The following CNTNAP2 variants were observed in gnomAD, a reference collection of about 807,000 sequenced individuals.
The protein encoded by CNTNAP2 is contactin-associated protein-like 2.
Under a neutral mutation model 155.2 loss-of-function variants are expected in CNTNAP2, and 98 were observed. The ratio of observed to expected loss-of-function variants is 0.63; its 90% CI spans 0.54 to 0.75. The LOEUF (loss-of-function observed/expected upper bound fraction) is 0.75. Ranked by LOEUF, CNTNAP2 falls within the 30% of genes least tolerant of loss-of-function variation. CNTNAP2 has a pLI of 0.00. For missense variants in CNTNAP2, 1,727 were observed against 1,688.1 expected, an observed-to-expected ratio of 1.02 and a Z score of -0.40; for synonymous variants, 651 against 631.2, an observed-to-expected ratio of 1.03 and a Z score of -0.47.
chr7:147,647,371 A>T (rs750928321), intron 13 of CNTNAP2, among the ~76,000 whole-genome samples: 25 of 152,022 alleles, frequency 1.6e-4, no homozygotes, highest in Non-Finnish European at 3.5e-4. Flanking sequence ...ATTTCAATGT[A>T]AGAGGACACC....
intron 18 of CNTNAP2, among the ~76,000 whole-genome samples, chr7:148,197,252 G>T (rs1306661613): frequency 1.3e-5 from 2 of 152,008 alleles, no homozygotes; most frequent in African/African-American, 4.8e-5. Context: ...AAATTTATCA[G>T]AAATTTCTTG....
chr7:147,499,722 A>G (rs893316816), intron 11 of CNTNAP2, among the ~76,000 whole-genome samples: 1 of 152,148 alleles, frequency 6.6e-6, no homozygotes, highest in African/African-American at 2.4e-5. Context: ...CAGGAGGGAG[A>G]AAGAATATGG....
chr7:147,608,289 T>C (rs1801112050), intron 12 of CNTNAP2, among the ~76,000 whole-genome samples: 1 of 152,080 alleles, frequency 6.6e-6, no homozygotes, highest in South Asian at 2.1e-4. Flanking sequence ...GAAAAGTCTT[T>C]GCAGTTTAGT....
At chr7:148,097,473 T>C (rs1240667336) in intron 15 of CNTNAP2, among the ~76,000 whole-genome samples, 2 of 152,098 alleles carry the variant, frequency 1.3e-5, no homozygotes, top group Non-Finnish European at 2.9e-5. Context: ...CATGATATCA[T>C]TTTTAAGCTA....
chr7:148,337,862 A>G (rs929059657), intron 21 of CNTNAP2, among the ~76,000 whole-genome samples: 23 of 152,208 alleles, frequency 1.5e-4, no homozygotes, highest in African/African-American at 5.3e-4. Context: ...TCTTAGATGA[A>G]AGAGCAATGG....
intron 14 of CNTNAP2, among the ~76,000 whole-genome samples, chr7:147,963,471 G>A (rs899663397): frequency 2.0e-5 from 3 of 152,106 alleles, no homozygotes; most frequent in African/African-American, 7.2e-5. Context: ...GGATGAGTGG[G>A]ATTGCATTAG....
chr7:147,265,395 G>A (rs761749132), intron 8 of CNTNAP2, among the ~76,000 whole-genome samples: 5 of 152,052 alleles, frequency 3.3e-5, no homozygotes, highest in Non-Finnish European at 5.9e-5. Flanking sequence ...GGAAGATCGT[G>A]GCCCAACTGC....
chr7:147,589,768 A>G (rs1049639857), intron 12 of CNTNAP2, among the ~76,000 whole-genome samples: 3 of 152,174 alleles, frequency 2.0e-5, no homozygotes, highest in Non-Finnish European at 4.4e-5. Flanking sequence ...AATGTCACCT[A>G]TTCCAAAGGT....
At chr7:146,735,446 T>A (rs1801596458) in intron 1 of CNTNAP2, among the ~76,000 whole-genome samples, 1 of 151,854 alleles carries the variant, frequency 6.6e-6, no homozygotes, top group South Asian at 2.1e-4. Context: ...TCCCAGCTAC[T>A]TGGGAGGCTG....
chr7:148,197,981 G>A (rs542451035), intron 18 of CNTNAP2, among the ~76,000 whole-genome samples: 30 of 152,180 alleles, frequency 2.0e-4, no homozygotes, highest in African/African-American at 7.0e-4. Flanking sequence ...AGGCTAAAAG[G>A]TTATTTCCAT....
chr7:146,117,044 C>A, intron 1 of CNTNAP2, 71 bp downstream of exon 1: 3 of 1,341,090 alleles, frequency 2.2e-6, no homozygotes, highest in South Asian at 2.5e-5. Flanking sequence ...ACCAGGGTAT[C>A]AACTCCGAAG....
intron 1 of CNTNAP2, among the ~76,000 whole-genome samples, chr7:146,335,476 T>C (rs1215001586): frequency 6.6e-6 from 1 of 152,172 alleles, no homozygotes; most frequent in African/African-American, 2.4e-5. Context: ...CCCTCCTCTG[T>C]GCCCTCACTA....
chr7:146,365,011 G>A (rs1795135387), intron 1 of CNTNAP2, among the ~76,000 whole-genome samples: 2 of 152,102 alleles, frequency 1.3e-5, no homozygotes, highest in Non-Finnish European at 2.9e-5. Context: ...AATCCCAGGA[G>A]AACTTTTAAA....
intron 16 of CNTNAP2, among the ~76,000 whole-genome samples, chr7:148,121,047 T>A: frequency 6.6e-6 from 1 of 151,408 alleles, no homozygotes; most frequent in African/African-American, 2.4e-5. Context: ...TTTTTTTTTA[T>A]TTTTTTTTAT....
At chr7:148,328,099 C>T (rs1797922733) in intron 21 of CNTNAP2, among the ~76,000 whole-genome samples, 1 of 152,190 alleles carries the variant, frequency 6.6e-6, no homozygotes, top group African/African-American at 2.4e-5. Flanking sequence ...GAAATAAAGA[C>T]CACCCAGATG....
intron 15 of CNTNAP2, among the ~76,000 whole-genome samples, chr7:148,089,944 C>T (rs1193156413): frequency 6.6e-6 from 1 of 151,740 alleles, no homozygotes; most frequent in Admixed American, 6.6e-5. Context: ...ACCAATGGAA[C>T]AGAATAAAGA....
chr7:146,557,122 A>T, intron 1 of CNTNAP2, among the ~76,000 whole-genome samples: 1 of 152,062 alleles, frequency 6.6e-6, no homozygotes, highest in Non-Finnish European at 1.5e-5. Context: ...CAAATGATCT[A>T]TTTGATTGGT....
intron 11 of CNTNAP2, among the ~76,000 whole-genome samples, chr7:147,526,191 C>CA (rs200655145): frequency 0.1 from 6,639 of 63,250 alleles, 190 homozygotes; most frequent in Middle Eastern, 0.16. Context: ...GACTCCATCT[C>CA]AAAAAAAAAA....
chr7:146,488,093 TA>T lies in CNTNAP2; in HGVS notation c.98-286175del, dbSNP rs1797083292. ...TTCAAATTTTTGAATCCGTTAATTT[TA>T]AACATTTGGATCATACCTTGAATTT... On this transcript the variant is annotated intron_variant, in intron 1 of 23. Transcript: ENST00000361727. 3.3e-5 allele frequency among the ~76,000 whole-genome samples: 5 copies of T among 152,316 alleles called. No homozygotes were observed. The South Asian group carries it at 1.0e-3, about 32-fold the overall frequency.
Sources: allele counts gnomAD v4.1 joint callset (sites outside exome capture counted in the v4.1 genomes callset), GRCh38; gene constraint gnomAD v4.1.1; transcripts MANE v1.5; gene names NCBI Gene and HGNC (gene_info 2026-07-23, HGNC 2026-07-21).